BACH2: variants seen among roughly 807,000 people sequenced by gnomAD.
BACH2 encodes the protein BACH transcriptional regulator 2, also known as transcription regulator protein BACH2.
A neutral mutation model predicts 61.8 loss-of-function variants in BACH2; 5 were observed. That is an observed-to-expected ratio of 0.08 (90% CI 0.04 to 0.17). BACH2 has a LOEUF of 0.17. BACH2 is among the 10% of genes least tolerant of loss of function. BACH2 has a pLI of 1.00. For missense variants in BACH2, 824 were observed against 1,091.1 expected (o/e 0.76, Z 3.45); for synonymous variants, 446 against 440.1 (o/e 1.01, Z -0.17).
intron 1 of BACH2, among the ~76,000 whole-genome samples, chr6:90,296,209 G>C (rs2127897658): frequency 6.6e-6 from 1 of 152,090 alleles, no homozygotes; most frequent in South Asian, 2.1e-4. Flanking sequence ...AAAATACAAT[G>C]CGCCTCGGCC....
chr6:90,147,782 T>G (rs1363954175), intron 4 of BACH2, among the ~76,000 whole-genome samples: 1 of 152,212 alleles, frequency 6.6e-6, no homozygotes, highest in Non-Finnish European at 1.5e-5. Flanking sequence ...CAGCTTTTCA[T>G]CTTGTTTTTG....
intron 1 of BACH2, among the ~76,000 whole-genome samples, chr6:90,287,682 A>G (rs1226527883): frequency 1.3e-5 from 2 of 152,144 alleles, no homozygotes; most frequent in Non-Finnish European, 2.9e-5. Flanking sequence ...GGTTGTGTTT[A>G]TTTATCACGA....
intron 4 of BACH2, among the ~76,000 whole-genome samples, chr6:90,193,064 AG>A (rs1178446150): frequency 9.9e-5 from 15 of 152,252 alleles, no homozygotes; most frequent in African/African-American, 3.4e-4. Context: ...CTTCACCTCC[AG>A]GTGCAGCCAC....
At chr6:90,041,220 C>A (rs1442056882) in intron 5 of BACH2, among the ~76,000 whole-genome samples, 1 of 151,982 alleles carries the variant, frequency 6.6e-6, no homozygotes, top group East Asian at 1.9e-4. Flanking sequence ...GACTGCTGGG[C>A]CAAATGGTAG....
chr6:90,225,389 TA>T (rs932269797), intron 3 of BACH2, among the ~76,000 whole-genome samples: 3 of 151,970 alleles, frequency 2.0e-5, no homozygotes, highest in Admixed American at 2.0e-4. Flanking sequence ...CCCTGTTTTT[TA>T]AAAAAATACA....
At chr6:90,041,469 G>T (rs1779529025) in intron 5 of BACH2, among the ~76,000 whole-genome samples, 1 of 151,872 alleles carries the variant, frequency 6.6e-6, no homozygotes, top group South Asian at 2.1e-4. Flanking sequence ...TATATTAAAA[G>T]ATTTTTCCAA....
At chr6:90,255,358 C>T (rs537715909) in intron 2 of BACH2, among the ~76,000 whole-genome samples, 1 of 152,282 alleles carries the variant, frequency 6.6e-6, no homozygotes, top group South Asian at 2.1e-4. Context: ...AGTCACAGTT[C>T]TATCATCAAG....
At chr6:90,239,648 A>G (rs2127864068) in intron 3 of BACH2, among the ~76,000 whole-genome samples, 1 of 152,272 alleles carries the variant, frequency 6.6e-6, no homozygotes, top group Admixed American at 6.5e-5. Flanking sequence ...CTAAGATATA[A>G]ATCTCGTCTA....
intron 4 of BACH2, among the ~76,000 whole-genome samples, chr6:90,128,549 C>G (rs1274988722): frequency 2.0e-5 from 3 of 152,146 alleles, no homozygotes; most frequent in African/African-American, 7.2e-5. Context: ...CCACTGCACT[C>G]CAGCCTGGTG....
chr6:90,112,577 C>T (rs1261840522), intron 4 of BACH2, among the ~76,000 whole-genome samples: 3 of 152,164 alleles, frequency 2.0e-5, no homozygotes, highest in African/African-American at 7.2e-5. Flanking sequence ...ATCACCAGAC[C>T]TGCCTTACAA....
chr6:89,961,096 G>A (rs1774718871), intron 6 of BACH2, among the ~76,000 whole-genome samples: 1 of 152,126 alleles, frequency 6.6e-6, no homozygotes, highest in African/African-American at 2.4e-5. Context: ...TTCAGGTATA[G>A]ATGGTTATAT....
chr6:90,196,291 A>T (rs1437627557), intron 4 of BACH2, among the ~76,000 whole-genome samples: 1 of 152,232 alleles, frequency 6.6e-6, no homozygotes, highest in Non-Finnish European at 1.5e-5. Context: ...CAGATTTCTT[A>T]TTAAATAAAA....
At chr6:90,163,890 T>C (rs1011688575) in intron 4 of BACH2, among the ~76,000 whole-genome samples, 57 of 152,230 alleles carry the variant, frequency 3.7e-4, no homozygotes, top group African/African-American at 1.3e-3. Flanking sequence ...AAATTGAATG[T>C]AGATCAAAAT....
At chr6:89,989,684 A>G (rs908214458) in intron 6 of BACH2, among the ~76,000 whole-genome samples, 1 of 152,208 alleles carries the variant, frequency 6.6e-6, no homozygotes, top group African/African-American at 2.4e-5. Flanking sequence ...CATGTCAAAT[A>G]CATTCTCTGA....
At chr6:90,050,020 T>C (rs1012655375) in intron 5 of BACH2, among the ~76,000 whole-genome samples, 4 of 152,240 alleles carry the variant, frequency 2.6e-5, no homozygotes, top group Non-Finnish European at 5.9e-5. Context: ...ACTGACAGTA[T>C]TTGTTGCCAC....
At chr6:89,993,545 C>T (rs914400156) in intron 6 of BACH2, among the ~76,000 whole-genome samples, 3 of 152,174 alleles carry the variant, frequency 2.0e-5, no homozygotes, top group Admixed American at 1.3e-4. Context: ...TAAACATTAG[C>T]GTGAGCCTTA....
chr6:90,160,751 G>A (rs1032302342), intron 4 of BACH2, among the ~76,000 whole-genome samples: 69 of 152,126 alleles, frequency 4.5e-4, no homozygotes, highest in African/African-American at 1.6e-3. Flanking sequence ...CCATGGAGAC[G>A]ACATCTAAGT....
chr6:89,997,963 TAAAGA>T (rs1331780772), intron 6 of BACH2, among the ~76,000 whole-genome samples: 3 of 152,132 alleles, frequency 2.0e-5, no homozygotes, highest in Non-Finnish European at 4.4e-5. Flanking sequence ...ATACAAAAAT[TAAAGA>T]AATCAATAGA....
intron 3 of BACH2, among the ~76,000 whole-genome samples, chr6:90,223,864 C>T (rs1769824065): frequency 1.3e-5 from 2 of 152,092 alleles, no homozygotes; most frequent in African/African-American, 4.8e-5. Context: ...TCCTGATACT[C>T]CTAAATACAG....
Sources: allele counts gnomAD v4.1 joint callset (sites outside exome capture counted in the v4.1 genomes callset), GRCh38; gene constraint gnomAD v4.1.1; transcripts MANE v1.5; gene names NCBI Gene and HGNC (gene_info 2026-07-23, HGNC 2026-07-21).